ZNF423: variants seen among roughly 807,000 people sequenced by gnomAD.
The protein encoded by ZNF423 is Ebf-associated zinc finger protein.
A neutral mutation model predicts 95.8 loss-of-function variants in ZNF423; 12 were observed. The ratio of observed to expected loss-of-function variants is 0.13; its 90% CI spans 0.08 to 0.20. The LOEUF (loss-of-function observed/expected upper bound fraction) is 0.20, where lower values mean the gene tolerates loss of function less well. Ranked by LOEUF, ZNF423 falls within the 10% of genes least tolerant of loss-of-function variation. The pLI is 1.00. For synonymous variants in ZNF423, 749 were observed against 711.9 expected, an observed-to-expected ratio of 1.05 and a Z score of -0.83; for missense variants, 1,316 against 1,737.1, an observed-to-expected ratio of 0.76 and a Z score of 4.31.
chr16:49,781,513 G>T (rs1341378693), intron 2 of ZNF423, among the ~76,000 whole-genome samples: 3 of 152,200 alleles, frequency 2.0e-5, no homozygotes, highest in Non-Finnish European at 2.9e-5. Flanking sequence ...AAATGCAAAC[G>T]CAAGTGCAGA....
At chr16:49,681,585 G>C (rs1399997350) in intron 3 of ZNF423, among the ~76,000 whole-genome samples, 1 of 152,208 alleles carries the variant, frequency 6.6e-6, no homozygotes, top group Non-Finnish European at 1.5e-5. Context: ...CCTCAGGCCG[G>C]ATCGTTTCAC....
At chr16:49,756,235 T>C (rs2033724548) in intron 2 of ZNF423, among the ~76,000 whole-genome samples, 1 of 152,156 alleles carries the variant, frequency 6.6e-6, no homozygotes, top group Non-Finnish European at 1.5e-5. Flanking sequence ...AGGCCGCCTA[T>C]CACCAGTTAC....
chr16:49,695,093 C>T (rs1489984252), intron 3 of ZNF423, among the ~76,000 whole-genome samples: 1 of 152,150 alleles, frequency 6.6e-6, no homozygotes, highest in African/African-American at 2.4e-5. Flanking sequence ...GCGAAGGATC[C>T]CTCAGCAACC....
At chr16:49,722,612 T>C (rs2032898217) in intron 3 of ZNF423, among the ~76,000 whole-genome samples, 1 of 152,190 alleles carries the variant, frequency 6.6e-6, no homozygotes, top group Non-Finnish European at 1.5e-5. Flanking sequence ...ACCTACTATG[T>C]CCAGAACTTC....
At chr16:49,509,713 A>G (rs922074841) in intron 7 of ZNF423, among the ~76,000 whole-genome samples, 4 of 152,126 alleles carry the variant, frequency 2.6e-5, no homozygotes, top group Non-Finnish European at 5.9e-5. Flanking sequence ...CCCCGCTCCC[A>G]ATAAGTCAGG....
intron 3 of ZNF423, among the ~76,000 whole-genome samples, chr16:49,663,239 A>G (rs1489881280): frequency 6.6e-6 from 1 of 152,044 alleles, no homozygotes; most frequent in Non-Finnish European, 1.5e-5. Context: ...TTATCCTATC[A>G]ATTTGCTTCT....
chr16:49,679,002 T>A (rs2031237616), intron 3 of ZNF423, among the ~76,000 whole-genome samples: 1 of 152,154 alleles, frequency 6.6e-6, no homozygotes, highest in South Asian at 2.1e-4. Flanking sequence ...GGTACACAGG[T>A]CAGGAGCCCA....
intron 3 of ZNF423, among the ~76,000 whole-genome samples, chr16:49,678,310 T>TTTTGTTTTGTTTTGTTTTGC: frequency 1.1e-5 from 1 of 93,004 alleles, no homozygotes; most frequent in South Asian, 3.2e-4. Flanking sequence ...TTTTGTTTTG[T>TTTTGTTTTGTTTTGTTTTGC]TTTGTTTTGT....
rs1358679764 is a variant in ZNF423 at position 49,637,749 on chromosome 16, G to T, written c.1427C>A (p.Ala476Asp). 6.2e-7 allele frequency: 1 copy of T among 1,614,152 alleles called. No homozygotes were observed. The highest frequency in any genetic ancestry group is 1.1e-5 in the South Asian group (1 of 91,086). The part of the protein sequence containing the change: ...EHVRKLHKNH[A>D]YPVMQFGNIS... ...GTTGCCAAACTGCATCACAGGGTAG[G>T]CATGGTTCTTGTGCAGCTTGCGAAC... Residue 476 changes from alanine (A) to aspartate (D), a missense_variant, in exon 4 of 8, where the codon GCC becomes GAC. Ala to Asp is a moderately radical substitution (Grantham distance 126). Coordinates refer to ENST00000563137, the MANE Select transcript of ZNF423 (RefSeq NM_001379286.1). The surrounding 1 kb of genome is among the most constrained non-coding windows in gnomAD (Gnocchi z 5.6).
Position 49,545,672 on chromosome 16 carries a change from T to C in ZNF423, c.3602-20178A>G, listed in dbSNP as rs550975818. On this transcript the variant is annotated intron_variant, in intron 5 of 7. Transcript: ENST00000563137. ...GTACAAAATTATTGTCCACGTCACA[T>C]GGGGAGTGGGCAGAATGTATTTGCC... Among the ~76,000 whole-genome samples, 16 of 152,280 alleles carry C rather than the reference T, an allele frequency of 1.1e-4. No homozygotes were observed. The East Asian group carries it at 2.9e-3, about 28-fold the overall frequency.
intron 1 of ZNF423, among the ~76,000 whole-genome samples, chr16:49,833,873 G>A (rs1267357544): frequency 6.6e-6 from 1 of 152,186 alleles, no homozygotes; most frequent in African/African-American, 2.4e-5. Flanking sequence ...GAAACTCCAG[G>A]CCGCTCCTGG....
At chr16:49,780,333 C>T (rs1195943548) in intron 2 of ZNF423, among the ~76,000 whole-genome samples, 8 of 152,204 alleles carry the variant, frequency 5.3e-5, no homozygotes, top group Admixed American at 5.2e-4. Context: ...AATGCCACCT[C>T]CTCCTCAGAG....
Position 49,557,954 on chromosome 16 carries a change from C to T in ZNF423, c.3602-32460G>A, listed in dbSNP as rs1969887996. Reference sequence around the variant, plus strand: ...GAGGGCTGGCTCCAGAGGGGCTGAGCCTCAAACAGGGAAACAGCCCACAGA... The same window carrying T: ...GAGGGCTGGCTCCAGAGGGGCTGAGTCTCAAACAGGGAAACAGCCCACAGA... On this transcript the variant is annotated intron_variant, in intron 5 of 7. Transcript: ENST00000563137. Among the ~76,000 whole-genome samples, 2 of 152,184 alleles carry T rather than the reference C, an allele frequency of 1.3e-5. 1 individual carries two copies. The highest frequency in any genetic ancestry group is 4.1e-4 in the South Asian group (2 of 4,824).
chr16:49,638,998 C>T lies in ZNF423; in HGVS notation c.302-124G>A. The T allele has an allele frequency of 6.9e-7, 1 of 1,443,260 alleles. No homozygotes were observed. The highest frequency in any genetic ancestry group is 1.5e-5 in the South Asian group (1 of 67,520). The allele number at this position is 1,443,260 out of a possible 1,614,324, so 89.4% of individuals were successfully genotyped here. On this transcript the variant is annotated intron_variant, in intron 3 of 7. Transcript: ENST00000563137. This position sits in a 1 kb window ranked among gnomAD's most constrained non-coding sequence, Gnocchi z 5.6. ...GCAGCTGGCCAACGGCTGCAGGGGG[C>T]TGTGGGGAGGGGCAGGGGCCGGAAG... is the stretch of plus-strand genomic sequence containing the variant.
rs145106810 is a variant in ZNF423, at chr16:49,828,300, C to T, written c.40+27435G>A. On this transcript the variant is annotated intron_variant, in intron 1 of 7. Transcript: ENST00000563137. ...TTGGTAACAGTCTACATGAATAGTC[C>T]GTTTGTTGGAAGAACATAATATTTT... is the stretch of plus-strand genomic sequence containing the variant. 4.6e-4 allele frequency among the ~76,000 whole-genome samples: 70 copies of T among 152,304 alleles called. 2 individuals are homozygous for T. The highest frequency in any genetic ancestry group is 1.4e-3 in the African/African-American group (58 of 41,566).
At chr16:49,558,705 T>C (rs1360556799) in intron 5 of ZNF423, among the ~76,000 whole-genome samples, 1 of 152,200 alleles carries the variant, frequency 6.6e-6, no homozygotes, top group Non-Finnish European at 1.5e-5. Flanking sequence ...ACATCTTCCA[T>C]GAAATCAGCA....
intron 2 of ZNF423, among the ~76,000 whole-genome samples, chr16:49,739,402 C>T (rs953282602): frequency 6.6e-6 from 1 of 152,088 alleles, no homozygotes; most frequent in Non-Finnish European, 1.5e-5. Flanking sequence ...TGGCACAGGC[C>T]CTCTTGCAAG....
chr16:49,710,356 T>A (rs1052208990), intron 3 of ZNF423, among the ~76,000 whole-genome samples: 3 of 152,192 alleles, frequency 2.0e-5, no homozygotes, highest in Admixed American at 2.0e-4. Context: ...TTCAGTAGCA[T>A]CTGCATCCCC....
intron 3 of ZNF423, chr16:49,664,085 G>A (rs1391854349): frequency 4.1e-6 from 4 of 985,324 alleles, no homozygotes; most frequent in African/African-American, 1.7e-5. Context: ...CCATGCCTCC[G>A]CTTACCTTTC....
Sources: gnomAD v4.1 joint callset for allele counts (sites outside exome capture counted in the v4.1 genomes callset) on GRCh38, gnomAD v4.1.1 for gene constraint, Gnocchi (gnomAD v3.1) non-coding constraint, MANE v1.5 for transcripts, NCBI Gene and HGNC (gene_info 2026-07-23, HGNC 2026-07-21) for gene names.